PLD5: variants seen among roughly 807,000 people sequenced by gnomAD.
PLD5 encodes the protein inactive phospholipase D5.
A neutral mutation model predicts 61.1 loss-of-function variants in PLD5; 36 were observed. That is an observed-to-expected ratio of 0.59 (90% CI 0.45 to 0.78). PLD5 has a LOEUF of 0.78. Ranked by LOEUF, PLD5 falls within the 30% of genes least tolerant of loss-of-function variation. PLD5 has a pLI of 0.00. For synonymous variants in PLD5, 243 were observed against 242.8 expected (o/e 1.00, Z -0.01); for missense variants, 515 against 644.4 (o/e 0.80, Z 2.17).
chr1:242,100,856 G>T, intron 8 of PLD5, 74 bp from the exon 9 acceptor site: 1 of 985,602 alleles, frequency 1.0e-6, no homozygotes, highest in Non-Finnish European at 1.6e-6. Flanking sequence ...ACAAAAGAAT[G>T]CATTATCCAA....
chr1:242,390,968 G>A (rs929935147), intron 1 of PLD5, among the ~76,000 whole-genome samples: 6 of 152,050 alleles, frequency 3.9e-5, no homozygotes, highest in South Asian at 2.1e-4. Flanking sequence ...TGAGGCAGGC[G>A]GATCACGAGG....
chr1:242,199,345 C>T (rs1668840476), intron 5 of PLD5, among the ~76,000 whole-genome samples: 1 of 152,054 alleles, frequency 6.6e-6, no homozygotes, highest in Non-Finnish European at 1.5e-5. Flanking sequence ...ATCTCTGCCT[C>T]CCAGGTTCAA....
intron 1 of PLD5, among the ~76,000 whole-genome samples, chr1:242,505,714 C>T (rs138208489): frequency 1.7e-3 from 259 of 152,302 alleles, no homozygotes; most frequent in Non-Finnish European, 3.0e-3. Context: ...TGAAAGACAA[C>T]GGCAGACCTC....
At chr1:242,521,424 A>G (rs993454872) in intron 1 of PLD5, among the ~76,000 whole-genome samples, 4 of 150,114 alleles carry the variant, frequency 2.7e-5, no homozygotes, top group African/African-American at 9.9e-5. Flanking sequence ...CTTTCAGATT[A>G]ATCTATCCCT....
intron 5 of PLD5, among the ~76,000 whole-genome samples, chr1:242,153,707 T>C (rs1665123218): frequency 6.6e-6 from 1 of 152,176 alleles, no homozygotes. Flanking sequence ...GTTCCATTGG[T>C]CTATATCTCT....
intron 1 of PLD5, among the ~76,000 whole-genome samples, chr1:242,396,294 C>T (rs1663569061): frequency 6.6e-6 from 1 of 152,112 alleles, no homozygotes; most frequent in Non-Finnish European, 1.5e-5. Flanking sequence ...TATTAAATAA[C>T]TAGAGAGCCA....
rs1449153430 is a variant in PLD5 at position 242,524,289 on chromosome 1, G to T, written c.-13C>A. ...GCCGGATCTCCATCCTGACATGACCGGGCGGCCGCCGGCGAGCAGCGGACT... is the reference window on the plus strand; with the variant it reads ...GCCGGATCTCCATCCTGACATGACCTGGCGGCCGCCGGCGAGCAGCGGACT... On this transcript the variant is annotated 5_prime_UTR_variant, in exon 1 of 10. Transcript: ENST00000536534. 9.3e-6 allele frequency: 13 copies of T among 1,390,496 alleles called. No homozygotes were observed. Among genetic ancestry groups the T allele is most frequent in the South Asian group, 3.1e-5 (2 of 63,544 alleles). The allele number at this position is 1,390,496 out of a possible 1,614,324, so 86.1% of individuals were successfully genotyped here.
At chr1:242,520,397 T>C (rs1437547903) in intron 1 of PLD5, among the ~76,000 whole-genome samples, 2 of 152,180 alleles carry the variant, frequency 1.3e-5, no homozygotes, top group Non-Finnish European at 2.9e-5. Flanking sequence ...GATTGTCTTG[T>C]TTCATCATGG....
At chr1:242,375,542 G>A (rs1181676168) in intron 1 of PLD5, among the ~76,000 whole-genome samples, 1 of 152,100 alleles carries the variant, frequency 6.6e-6, no homozygotes, top group Admixed American at 6.6e-5. Context: ...AAGACCTTTC[G>A]AGGAACCGAA....
Position 242,122,069 on chromosome 1 carries a change from T to A in PLD5, c.933+2399A>T, listed in dbSNP as rs533272978. Among the ~76,000 whole-genome samples the A allele has an allele frequency of 3.3e-5, 5 of 152,246 alleles. No homozygotes were observed. The South Asian group carries it at 1.0e-3, about 32-fold the overall frequency. On this transcript the variant is annotated intron_variant, in intron 6 of 9. Coordinates refer to ENST00000536534, the MANE Select transcript of PLD5 (RefSeq NM_001372062.1). ...CAAACCTGCACGTTGTGCACATGTA[T>A]CCTAGAACTTAAAGTATAATTTAAA...
At chr1:242,475,412 G>A (rs1468089117) in intron 1 of PLD5, among the ~76,000 whole-genome samples, 2 of 110,320 alleles carry the variant, frequency 1.8e-5, no homozygotes, top group Admixed American at 2.3e-4. Flanking sequence ...GACAGAGCGA[G>A]ACTCCGTCTC....
At chr1:242,098,147 C>T (rs977674192) in intron 9 of PLD5, among the ~76,000 whole-genome samples, 1 of 152,194 alleles carries the variant, frequency 6.6e-6, no homozygotes, top group Non-Finnish European at 1.5e-5. Flanking sequence ...TAATATCCTG[C>T]AGAGTGTTTT....
intron 6 of PLD5, among the ~76,000 whole-genome samples, chr1:242,122,369 CTG>C (rs1662451681): frequency 1.3e-5 from 2 of 152,336 alleles, no homozygotes; most frequent in African/African-American, 4.8e-5. Flanking sequence ...AAGGTTGAAA[CTG>C]TAAATTCAAA....
At chr1:242,346,780 A>G (rs1660161203) in intron 2 of PLD5, among the ~76,000 whole-genome samples, 1 of 152,118 alleles carries the variant, frequency 6.6e-6, no homozygotes. Flanking sequence ...TCCATCAGCT[A>G]TTCTTCCTGA....
At chr1:242,097,608 G>A (rs543946930) in intron 9 of PLD5, among the ~76,000 whole-genome samples, 17 of 152,134 alleles carry the variant, frequency 1.1e-4, no homozygotes, top group Admixed American at 5.9e-4. Context: ...TTTTTTTCTC[G>A]TAAATTTGTT....
chr1:242,344,404 C>T (rs1357147402), intron 2 of PLD5, among the ~76,000 whole-genome samples: 1 of 152,128 alleles, frequency 6.6e-6, no homozygotes, highest in African/African-American at 2.4e-5. Flanking sequence ...CAAGCTCTAA[C>T]TAAATAGCCT....
intron 1 of PLD5, among the ~76,000 whole-genome samples, chr1:242,499,899 G>A (rs1471241723): frequency 6.6e-6 from 1 of 152,118 alleles, no homozygotes; most frequent in African/African-American, 2.4e-5. Context: ...ATCATCTACA[G>A]GCCTTTTCAC....
chr1:242,506,561 C>T (rs539828132), intron 1 of PLD5, among the ~76,000 whole-genome samples: 3 of 152,064 alleles, frequency 2.0e-5, no homozygotes, highest in Non-Finnish European at 4.4e-5. Context: ...AGGATGTAAC[C>T]CAGGCACTGG....
intron 1 of PLD5, among the ~76,000 whole-genome samples, chr1:242,501,401 A>T (rs1159511139): frequency 2.6e-5 from 4 of 152,196 alleles, no homozygotes; most frequent in East Asian, 1.9e-4. Flanking sequence ...CAGAAATATA[A>T]TAAATCATAA....
Sources: gnomAD v4.1 joint callset for allele counts (sites outside exome capture counted in the v4.1 genomes callset) on GRCh38, gnomAD v4.1.1 for gene constraint, MANE v1.5 for transcripts, NCBI Gene and HGNC (gene_info 2026-07-23, HGNC 2026-07-21) for gene names.